The following AR variants were observed in gnomAD, a reference collection of about 807,000 sequenced individuals.
AR encodes androgen receptor.
AR carries 8 observed loss-of-function variants against 53.9 expected under a neutral mutation model. The observed-to-expected ratio is 0.15, with a 90% CI of 0.09 to 0.27. The LOEUF (loss-of-function observed/expected upper bound fraction) is 0.27. AR is among the 10% of genes least tolerant of loss of function. The pLI, the probability that AR is intolerant of heterozygous loss-of-function variation, is 1.00. For synonymous variants in AR, 359 were observed against 316.4 expected (o/e 1.13, Z -1.43); for missense variants, 639 against 742.5 (o/e 0.86, Z 1.62).
intron 1 of AR, among the ~76,000 whole-genome samples, chrX:67,579,517 A>G (rs766056724): frequency 9.8e-5 from 11 of 111,907 alleles, no homozygotes; most frequent in African/African-American, 3.6e-4. Context: ...ATGGGTGGAA[A>G]ATGTGGTAGA....
At chrX:67,658,337 G>A (rs1459746553) in intron 2 of AR, among the ~76,000 whole-genome samples, 1 of 112,376 alleles carries the variant, frequency 8.9e-6, no homozygotes, top group Non-Finnish European at 1.9e-5. Flanking sequence ...TGAAAGAACA[G>A]AAAGGGAAAA....
At chrX:67,685,796 A>G (rs2075962895) in intron 2 of AR, 1 of 493,137 alleles carries the variant, frequency 2.0e-6, no homozygotes, top group Non-Finnish European at 3.2e-6. Flanking sequence ...TCATCCCTAA[A>G]AAAAACACCA....
intron 1 of AR, among the ~76,000 whole-genome samples, chrX:67,605,304 A>G (rs1923572129): frequency 8.9e-6 from 1 of 112,396 alleles, no homozygotes; most frequent in Non-Finnish European, 1.9e-5. Flanking sequence ...GTGAAGTCCA[A>G]AAATAATTAA....
At chrX:67,593,662 T>C (rs1417392256) in intron 1 of AR, among the ~76,000 whole-genome samples, 3 of 112,420 alleles carry the variant, frequency 2.7e-5, no homozygotes, top group Non-Finnish European at 5.6e-5. Flanking sequence ...TAATAAGTTT[T>C]CTTAAGTGCT....
At chrX:67,628,041 C>CT (rs1451285651) in intron 1 of AR, among the ~76,000 whole-genome samples, 2 of 111,546 alleles carry the variant, frequency 1.8e-5, no homozygotes, top group East Asian at 5.7e-4. Flanking sequence ...TTACTGTAGC[C>CT]TTGTAGTATA....
At chrX:67,570,605 T>C (rs1036319805) in intron 1 of AR, among the ~76,000 whole-genome samples, 1 of 111,500 alleles carries the variant, frequency 9.0e-6, no homozygotes, top group Non-Finnish European at 1.9e-5. Flanking sequence ...GCATAAGAAC[T>C]ATGTTCTTTT....
chrX:67,681,224 T>C (rs945517115), intron 2 of AR, among the ~76,000 whole-genome samples: 3 of 111,317 alleles, frequency 2.7e-5, no homozygotes, highest in Non-Finnish European at 3.8e-5. Context: ...GGTATAATGT[T>C]TGTAATATCT....
intron 1 of AR, among the ~76,000 whole-genome samples, chrX:67,624,403 G>A (rs1057446405): frequency 2.7e-5 from 3 of 111,601 alleles, no homozygotes; most frequent in African/African-American, 9.8e-5. Flanking sequence ...TTCCCACAAA[G>A]AAAAGCCCAG....
chrX:67,562,115 ATTAT>A (rs1921347763), intron 1 of AR, among the ~76,000 whole-genome samples: 1 of 106,410 alleles, frequency 9.4e-6, no homozygotes. Flanking sequence ...AATTTTATTT[ATTAT>A]TTATTTATTT....
At chrX:67,698,738 T>C (rs1243132254) in intron 3 of AR, among the ~76,000 whole-genome samples, 2 of 111,973 alleles carry the variant, frequency 1.8e-5, no homozygotes, top group African/African-American at 6.5e-5. Flanking sequence ...GTTTTTTGTT[T>C]CATACTGTCT....
intron 1 of AR, among the ~76,000 whole-genome samples, chrX:67,600,593 G>C (rs897298999): frequency 3.6e-5 from 4 of 110,192 alleles, no homozygotes; most frequent in Non-Finnish European, 7.6e-5. Context: ...ATGTTTAATG[G>C]GCACAAAAAA....
Position 67,544,138 on chromosome X carries a change from C to A in AR, c.-1009C>A. ...AAGGGCCGAGCTAGCCGCTCCAGTGCTGTACAGGAGCCGAAGGGACGCACC... is the reference window on the plus strand; with the variant it reads ...AAGGGCCGAGCTAGCCGCTCCAGTGATGTACAGGAGCCGAAGGGACGCACC... On this transcript the variant is annotated 5_prime_UTR_variant, in exon 1 of 8. In the 5' UTR this introduces an upstream ATG that the reference lacks. Transcript: ENST00000374690. 6.1e-6 allele frequency: 1 copy of A among 164,135 alleles called. No homozygotes were observed. The highest frequency in any genetic ancestry group is 8.9e-5 in the East Asian group (1 of 11,195). The allele number at this position is 164,135 out of a possible 1,213,427, so 13.5% of individuals were successfully genotyped here.
At chrX:67,599,946 T>C (rs868765311) in intron 1 of AR, among the ~76,000 whole-genome samples, 40 of 112,028 alleles carry the variant, frequency 3.6e-4, no homozygotes, top group Middle Eastern at 4.8e-3. Context: ...CCATTAAATA[T>C]GTTGGTATAT....
At chrX:67,546,847 C>G in intron 1 of AR, 85 bp downstream of exon 1, 1 of 1,031,110 alleles carries the variant, frequency 9.7e-7, no homozygotes, top group East Asian at 3.3e-5. Flanking sequence ...CTCCTACCTG[C>G]GCGAACACTC....
rs2147544110 is a variant in AR at position 67,726,434 on chromosome X, AT to A, written c.*2594del. 5.7e-6 allele frequency: 1 copy of A among 173,998 alleles called. No homozygotes were observed. The highest frequency in any genetic ancestry group is 3.1e-4 in the South Asian group (1 of 3,221). 14.3% of individuals were successfully genotyped at this position (173,998 alleles called of 1,213,427 possible). On this transcript the variant is annotated 3_prime_UTR_variant, in exon 8 of 8. Transcript: ENST00000374690. The stretch of plus-strand genomic sequence containing the variant: ...ACAGATTGAATTATATCATTTTCAT[AT>A]CTCTCCTTGTAAATACTAGAAGCTC...
chrX:67,570,917 A>G (rs1921786962), intron 1 of AR, among the ~76,000 whole-genome samples: 1 of 111,010 alleles, frequency 9.0e-6, no homozygotes, highest in South Asian at 3.9e-4. Context: ...AGAGATGGGC[A>G]TATTCCTTGT....
intron 1 of AR, among the ~76,000 whole-genome samples, chrX:67,604,426 T>G (rs908996805): frequency 9.0e-6 from 1 of 110,804 alleles, no homozygotes; most frequent in Non-Finnish European, 1.9e-5. Flanking sequence ...TCAATTTCAC[T>G]GTGCCCGAAG....
At chrX:67,667,552 G>A (rs1602240155) in intron 2 of AR, among the ~76,000 whole-genome samples, 2 of 111,078 alleles carry the variant, frequency 1.8e-5, no homozygotes, top group African/African-American at 6.5e-5. Flanking sequence ...TGGGTCTCTT[G>A]TGGTTCTATA....
intron 1 of AR, among the ~76,000 whole-genome samples, chrX:67,584,487 C>T (rs1922438187): frequency 8.9e-6 from 1 of 112,206 alleles, no homozygotes; most frequent in African/African-American, 3.2e-5. Flanking sequence ...GAGTACTTGA[C>T]TTGGATTCAG....
Sources: allele counts gnomAD v4.1 joint callset (sites outside exome capture counted in the v4.1 genomes callset), GRCh38; gene constraint gnomAD v4.1.1; transcripts MANE v1.5; gene names NCBI Gene and HGNC (gene_info 2026-07-23, HGNC 2026-07-21).